ZNHIT3: variants seen among roughly 807,000 people sequenced by gnomAD.
ZNHIT3 encodes the protein zinc finger HIT domain-containing protein 3.
ZNHIT3 carries 27 observed loss-of-function variants against 19.9 expected under a neutral mutation model. The ratio of observed to expected loss-of-function variants is 1.36; its 90% confidence interval spans 1.00 to 1.87. ZNHIT3 has a LOEUF of 1.87. Among genes scored for constraint, ZNHIT3 ranks in the 40% most tolerant of loss-of-function variants. The probability of loss-of-function intolerance (pLI) is 0.00; values close to 1 mark genes in which losing one functional copy is unlikely to be tolerated. For synonymous variants in ZNHIT3, 81 were observed against 65.7 expected, an observed-to-expected ratio of 1.23 and a Z score of -1.13; for missense variants, 215 against 185.6, an observed-to-expected ratio of 1.16 and a Z score of -0.92.
chr17:36,491,209 T>A (rs1272456948), intron 2 of ZNHIT3: 2 of 152,244 alleles, frequency 1.3e-5, no homozygotes, highest in Non-Finnish European at 2.9e-5. Context: ...AAGATACCGC[T>A]CTGTGGTATT....
chr17:36,492,991 G>C (rs762913353), intron 3 of ZNHIT3, 92 bp downstream of exon 3: 2 of 1,166,254 alleles, frequency 1.7e-6, no homozygotes, highest in East Asian at 2.4e-5. Context: ...AGGGAATCCA[G>C]AACAATAGCT....
At chr17:36,496,273 G>C (rs775870326), downstream of ZNHIT3, 2 of 1,613,960 alleles carry the variant, frequency 1.2e-6, no homozygotes, top group African/African-American at 1.3e-5. Context: ...AGTGAAGGCA[G>C]AAGAGGTCAC....
downstream of ZNHIT3, chr17:36,495,844 A>G: frequency 1.6e-6 from 2 of 1,242,166 alleles, no homozygotes. Flanking sequence ...TTTTAAAGGA[A>G]ATAACCACAA....
intron 2 of ZNHIT3, chr17:36,489,215 C>T (rs1030363969): frequency 6.6e-6 from 1 of 152,188 alleles, no homozygotes; most frequent in Non-Finnish European, 1.5e-5. Flanking sequence ...TCCTTAGGTT[C>T]ATTCCTTATC....
At chr17:36,487,707 C>A (rs1295495999) in intron 2 of ZNHIT3, among the ~76,000 whole-genome samples, 2 of 151,996 alleles carry the variant, frequency 1.3e-5, no homozygotes, top group Non-Finnish European at 2.9e-5. Context: ...AGGAGAATCG[C>A]TTGAACCCGG....
chr17:36,498,777 A>G (rs2071234424), downstream of ZNHIT3: 1 of 602,234 alleles, frequency 1.7e-6, no homozygotes, highest in East Asian at 2.8e-5. Context: ...ACTTGAAAAC[A>G]AGATAAGAGT....
chr17:36,487,775 A>T (rs905725433), intron 2 of ZNHIT3, among the ~76,000 whole-genome samples: 1 of 131,628 alleles, frequency 7.6e-6, no homozygotes, highest in African/African-American at 2.9e-5. Flanking sequence ...TGGGCTACAG[A>T]GCCAGACTCA....
rs2070560086 is a variant in ZNHIT3 at position 36,486,731 on chromosome 17, G to A, written c.32G>A (p.Cys11Tyr). Residue 11 changes from cysteine (C) to tyrosine (Y), a missense_variant, in exon 1 of 5, where the codon TGC (cysteine) becomes TAC (tyrosine). Cys to Tyr is a radical substitution (Grantham distance 194, BLOSUM62 -2). Coordinates refer to ENST00000617429, the MANE Select transcript of ZNHIT3 (RefSeq NM_004773.4). The stretch of plus-strand genomic sequence containing the variant: ...TCGCTCAAATGTAGCACCGTCGTCT[G>A]CGTGATCTGCTTGGAGAAGCCCAAA... Reference protein sequence around the residue: MASLKCSTVVCVICLEKPKYR... With the variant: MASLKCSTVVYVICLEKPKYR... The A allele has an allele frequency of 6.2e-7, 1 of 1,613,942 alleles. No homozygotes were observed. The highest frequency in any genetic ancestry group is 8.5e-7 in the Non-Finnish European group (1 of 1,179,924).
At position 36,486,973 on chromosome 17, in the gene ZNHIT3, C is replaced by G; in HGVS notation, c.118+7C>G. 6.2e-7 allele frequency: 1 copy of G among 1,610,996 alleles called. No individual in the cohort carries two copies. Among genetic ancestry groups the G allele is most frequent in the South Asian group, 1.1e-5 (1 of 90,796 alleles). ...TGCTTCCGGAAGCACAAAGGTGAGC[C>G]CCGTCCCCGCCAGCCCTCGTACCAC... On this transcript the variant is annotated splice_region_variant and intron_variant, in intron 2 of 4. Coordinates refer to ENST00000617429, the MANE Select transcript of ZNHIT3 (RefSeq NM_004773.4).
chr17:36,495,503 CA>C lies in ZNHIT3; in HGVS notation c.*103del. The C allele has an allele frequency of 7.1e-7, 1 of 1,409,088 alleles. No homozygotes were observed. Among genetic ancestry groups the C allele is most frequent in the Non-Finnish European group, 9.2e-7 (1 of 1,084,040 alleles). The allele number at this position is 1,409,088 out of a possible 1,614,324, so 87.3% of individuals were successfully genotyped here. ...CTAGTTTGGGGCTGGGGAGCTCAGG[CA>C]AAAGAGGTTTCCAGGATGCAGATTA... On this transcript the variant is annotated 3_prime_UTR_variant, in exon 5 of 5. Coordinates refer to ENST00000617429, the MANE Select transcript of ZNHIT3 (RefSeq NM_004773.4).
downstream of ZNHIT3, among the ~76,000 whole-genome samples, chr17:36,497,320 GA>G (rs112241229): frequency 0.055 from 7,342 of 132,442 alleles, 203 homozygotes; most frequent in Non-Finnish European, 0.074. Flanking sequence ...TAAATAACAT[GA>G]AAAAAAAAAA....
Position 36,486,917 on chromosome 17 carries a change from T to G in ZNHIT3, c.87-18T>G, listed in dbSNP as rs2070571265. 6.2e-7 allele frequency: 1 copy of G among 1,606,968 alleles called. No individual in the cohort carries two copies. Among genetic ancestry groups the G allele is most frequent in the African/African-American group, 1.4e-5 (1 of 74,070 alleles). On this transcript the variant is annotated intron_variant, in intron 1 of 4. Transcript: ENST00000617429. ...GGACCCTCGGGGCTGACGCGGCCTG[T>G]GGCCTCTGTTGTTACAGCTGCTCGG...
Position 36,495,508 on chromosome 17 carries a change from G to A in ZNHIT3, c.*104G>A. 1 of 1,401,972 alleles carries A rather than the reference G, an allele frequency of 7.1e-7. No individual in the cohort carries two copies. The highest frequency in any genetic ancestry group is 9.3e-7 in the Non-Finnish European group (1 of 1,080,824). The allele number at this position is 1,401,972 out of a possible 1,614,324, so 86.8% of individuals were successfully genotyped here. A position where few individuals can be genotyped will look rare whatever the true frequency, so the allele number is the denominator to read the frequency against. On this transcript the variant is annotated 3_prime_UTR_variant, in exon 5 of 5. Coordinates refer to ENST00000617429, the MANE Select transcript of ZNHIT3 (RefSeq NM_004773.4). ...TTGGGGCTGGGGAGCTCAGGCAAAA[G>A]AGGTTTCCAGGATGCAGATTAGGTC...
At chr17:36,492,775 TGGA>T (rs1211028269) in intron 2 of ZNHIT3, 35 bp from the exon 3 acceptor site, 5 of 1,585,470 alleles carry the variant, frequency 3.2e-6, no homozygotes, top group Non-Finnish European at 4.3e-6. Context: ...GTCGCTGAAA[TGGA>T]GGTAATGTGG....
At chr17:36,493,256 A>G (rs2070768842) in intron 3 of ZNHIT3, 1 of 307,180 alleles carries the variant, frequency 3.3e-6, no homozygotes, top group Non-Finnish European at 6.1e-6. Context: ...AACTCAGCCC[A>G]GGCAGGAGGC....
At chr17:36,498,415 G>C (rs1267796400), downstream of ZNHIT3, 4 of 1,614,050 alleles carry the variant, frequency 2.5e-6, no homozygotes, top group Admixed American at 3.3e-5. Context: ...GTATTGGCCA[G>C]GACCAGTCCC....
chr17:36,491,798 C>T (rs776606827), intron 2 of ZNHIT3: 1 of 152,204 alleles, frequency 6.6e-6, no homozygotes, highest in African/African-American at 2.4e-5. Context: ...ATTCACCTCT[C>T]CTTCAGTCCC....
chr17:36,499,015 G>T (rs2071256342), downstream of ZNHIT3: 1 of 1,359,754 alleles, frequency 7.4e-7, no homozygotes, highest in Admixed American at 2.0e-5. Context: ...TTCCCACTCG[G>T]GTCCATCTGG....
chr17:36,492,729 T>A, intron 2 of ZNHIT3, 84 bp from the exon 3 acceptor site: 1 of 1,227,220 alleles, frequency 8.1e-7, no homozygotes, highest in African/African-American at 1.5e-5. Context: ...ACTTGCTTCC[T>A]ACCTAGATGC....
Sources: gnomAD v4.1 joint callset for allele counts (sites outside exome capture counted in the v4.1 genomes callset) on GRCh38, gnomAD v4.1.1 for gene constraint, MANE v1.5 for transcripts, NCBI Gene and HGNC (gene_info 2026-07-23, HGNC 2026-07-21) for gene names.